Variants in CYYR1 observed in about 807,000 individuals in gnomAD.
The protein encoded by CYYR1 is cysteine and tyrosine-rich protein 1.
In CYYR1, 14 loss-of-function variants were observed where a neutral mutation model predicts 15.2. That is an observed-to-expected ratio of 0.92 (90% CI 0.61 to 1.44). The LOEUF is 1.44. CYYR1 is among the 40% of genes most tolerant of loss of function. The pLI is 0.00. For missense variants in CYYR1, 228 were observed against 209.5 expected (o/e 1.09, Z -0.54); for synonymous variants, 80 against 77.4 (o/e 1.03, Z -0.18).
intron 3 of CYYR1, among the ~76,000 whole-genome samples, chr21:26,479,249 T>A (rs982981054): frequency 4.6e-5 from 7 of 151,532 alleles, no homozygotes; most frequent in African/African-American, 1.7e-4. Context: ...CAAGAGGAAT[T>A]ATCATACCCT....
At chr21:26,504,806 C>G (rs1393450047) in intron 2 of CYYR1, among the ~76,000 whole-genome samples, 1 of 152,166 alleles carries the variant, frequency 6.6e-6, no homozygotes, top group Admixed American at 6.5e-5. Context: ...ATCCGATTCC[C>G]TGACTACCCT....
At chr21:26,562,946 C>T (rs1980342708) in intron 2 of CYYR1, among the ~76,000 whole-genome samples, 1 of 152,072 alleles carries the variant, frequency 6.6e-6, no homozygotes, top group Non-Finnish European at 1.5e-5. Flanking sequence ...AAGTCAGAGT[C>T]CATCATTTTT....
Position 26,480,294 on chromosome 21 carries a change from G to T in CYYR1, c.312C>A (p.Ile104=). ...CACCAGGATAGGAGGAGACGGTGTT[G>T]ATGTGAGTCGTCCTGAGGATGCCCA... ...TRVGILRTTH[I]NTVSSYPAGP... Residue 104 remains isoleucine, a synonymous_variant, in exon 3 of 4, where the codon ATC becomes ATA. Coordinates refer to ENST00000652641, the MANE Select transcript of CYYR1 (RefSeq NM_001320768.2). 1 of 1,612,814 alleles carries T rather than the reference G, an allele frequency of 6.2e-7. No individual in the cohort carries two copies. Among genetic ancestry groups the T allele is most frequent in the Non-Finnish European group, 8.5e-7 (1 of 1,179,384 alleles).
intron 2 of CYYR1, among the ~76,000 whole-genome samples, chr21:26,502,377 TG>T (rs1372887585): frequency 3.3e-5 from 5 of 151,608 alleles, no homozygotes; most frequent in African/African-American, 1.2e-4. Flanking sequence ...GAGGACACTC[TG>T]GGAGCGGGCA....
chr21:26,572,994 A>T lies in CYYR1; in HGVS notation c.-54T>A. 6.2e-7 allele frequency: 1 copy of T among 1,600,906 alleles called. No individual in the cohort carries two copies. The highest frequency in any genetic ancestry group is 8.5e-7 in the Non-Finnish European group (1 of 1,172,386). ...AAGGGAGAGCCCGGAACCGGAGGGA[A>T]TGGGGAGGATGGAGGGCGATCAGAT... On this transcript the variant is annotated 5_prime_UTR_variant, in exon 1 of 4. Transcript: ENST00000652641.
rs2065156818 is a variant in CYYR1 at position 26,480,274 on chromosome 21, G to A, written c.332C>T (p.Pro111Leu). 6.2e-7 allele frequency: 1 copy of A among 1,609,484 alleles called. No homozygotes were observed. Among genetic ancestry groups the A allele is most frequent in the East Asian group, 2.2e-5 (1 of 44,782 alleles). Reference sequence around the variant, plus strand: ...CGAGAGTCAACAGTTTTGCTCACCAGGATAGGAGGAGACGGTGTTGATGTG... The same window carrying A: ...CGAGAGTCAACAGTTTTGCTCACCAAGATAGGAGGAGACGGTGTTGATGTG... ...TTHINTVSSY[P>L]AGPPPYGHDH... Residue 111 changes from proline (P) to leucine (L), a missense_variant and splice_region_variant, in exon 3 of 4, where the codon CCT becomes CTT. Transcript: ENST00000652641.
chr21:26,536,970 C>T (rs966133559), intron 2 of CYYR1, among the ~76,000 whole-genome samples: 8 of 152,082 alleles, frequency 5.3e-5, no homozygotes, highest in African/African-American at 1.9e-4. Flanking sequence ...AACAAAAGGG[C>T]CAAGAATGTG....
chr21:26,554,596 C>T lies in CYYR1; in HGVS notation c.176+11670G>A, dbSNP rs188935542. On this transcript the variant is annotated intron_variant, in intron 2 of 3. Coordinates refer to ENST00000652641, the MANE Select transcript of CYYR1 (RefSeq NM_001320768.2). ...GGGCACCATTTATTTCACTCAAGGC[C>T]GAGAGTGCTCTCCTGGGGAGAGGCA... is the stretch of plus-strand genomic sequence containing the variant. 2.8e-3 allele frequency among the ~76,000 whole-genome samples: 429 copies of T among 152,086 alleles called. 3 individuals carry two copies. Among genetic ancestry groups the T allele is most frequent in the Admixed American group, 0.022 (337 of 15,270 alleles).
rs139408235 is a variant in CYYR1, at chr21:26,548,645, G to A, written c.176+17621C>T. Among the ~76,000 whole-genome samples the A allele has an allele frequency of 2.0e-3, 300 of 152,248 alleles. 2 individuals are homozygous for A. Among genetic ancestry groups the A allele is most frequent in the African/African-American group, 6.8e-3 (283 of 41,542 alleles). On this transcript the variant is annotated intron_variant, in intron 2 of 3. Transcript: ENST00000652641. ...ATCACAGGCATGAGCCACCAAGCCC[G>A]GCCAGTATGGGTTATTTAGAGCAGT...
intron 2 of CYYR1, among the ~76,000 whole-genome samples, chr21:26,481,937 T>A (rs2065187224): frequency 6.6e-6 from 1 of 152,090 alleles, no homozygotes; most frequent in Non-Finnish European, 1.5e-5. Flanking sequence ...TTATCTACAG[T>A]GATGATCTTG....
At chr21:26,566,881 C>T (rs1980663529) in intron 1 of CYYR1, among the ~76,000 whole-genome samples, 1 of 151,850 alleles carries the variant, frequency 6.6e-6, no homozygotes, top group Admixed American at 6.6e-5. Context: ...TCGTGGTGCA[C>T]ACCTGTAATC....
At chr21:26,530,707 G>A (rs968284331) in intron 2 of CYYR1, among the ~76,000 whole-genome samples, 1 of 152,088 alleles carries the variant, frequency 6.6e-6, no homozygotes, top group African/African-American at 2.4e-5. Context: ...GTGAGAACAG[G>A]CAGTGTTTGG....
chr21:26,558,310 G>A, intron 2 of CYYR1, among the ~76,000 whole-genome samples: 1 of 152,050 alleles, frequency 6.6e-6, no homozygotes, highest in Admixed American at 6.6e-5. Flanking sequence ...CCACTACCTG[G>A]ATTTATTACA....
chr21:26,554,496 C>T lies in CYYR1; in HGVS notation c.176+11770G>A, dbSNP rs565153348. ...TTTTCAGGCAGTATTATGCCTTCAG[C>T]AACCACTGGGCAGCAGGACACCGTA... On this transcript the variant is annotated intron_variant, in intron 2 of 3. Transcript: ENST00000652641. 2.0e-4 allele frequency among the ~76,000 whole-genome samples: 31 copies of T among 152,260 alleles called. No individual in the cohort carries two copies. In the South Asian group the frequency reaches 3.3e-3, roughly 16 times the overall value.
intron 3 of CYYR1, among the ~76,000 whole-genome samples, chr21:26,477,147 T>C (rs1383413066): frequency 6.6e-6 from 1 of 152,196 alleles, no homozygotes; most frequent in Non-Finnish European, 1.5e-5. Context: ...ATCTGATCTG[T>C]GGGCTGTAGG....
At chr21:26,523,649 T>C (rs1205049802) in intron 2 of CYYR1, among the ~76,000 whole-genome samples, 1 of 152,170 alleles carries the variant, frequency 6.6e-6, no homozygotes, top group East Asian at 1.9e-4. Flanking sequence ...TCAAATTCTT[T>C]CCTGTCCTAA....
chr21:26,558,947 C>T (rs1980002182), intron 2 of CYYR1, among the ~76,000 whole-genome samples: 1 of 152,120 alleles, frequency 6.6e-6, no homozygotes, highest in African/African-American at 2.4e-5. Flanking sequence ...ATAAATGTCT[C>T]CTTGGGCATA....
At chr21:26,527,578 A>C (rs1250847351) in intron 2 of CYYR1, among the ~76,000 whole-genome samples, 2 of 152,204 alleles carry the variant, frequency 1.3e-5, no homozygotes, top group African/African-American at 4.8e-5. Flanking sequence ...TCCAGTAAAA[A>C]TGGCTTATGT....
At chr21:26,476,380 C>A (rs1298650107) in intron 3 of CYYR1, among the ~76,000 whole-genome samples, 1 of 152,130 alleles carries the variant, frequency 6.6e-6, no homozygotes, top group Admixed American at 6.5e-5. Context: ...ATCTGGTGGA[C>A]ACTTTTAAGA....
Sources: allele counts gnomAD v4.1 joint callset (sites outside exome capture counted in the v4.1 genomes callset), GRCh38; gene constraint gnomAD v4.1.1; transcripts MANE v1.5; gene names NCBI Gene and HGNC (gene_info 2026-07-23, HGNC 2026-07-21).